The following DPYSL5 variants were observed in gnomAD, a reference collection of about 807,000 sequenced individuals.
DPYSL5 encodes dihydropyrimidinase-related protein 5.
A neutral mutation model predicts 58.4 loss-of-function variants in DPYSL5; 9 were observed. That is an observed-to-expected ratio of 0.15 (90% CI 0.09 to 0.27). The LOEUF (loss-of-function observed/expected upper bound fraction) is 0.27. Among genes scored for constraint, DPYSL5 ranks in the 10% least tolerant of loss-of-function variants. DPYSL5 has a pLI of 1.00. For synonymous variants in DPYSL5, 293 were observed against 301.9 expected (o/e 0.97, Z 0.31); for missense variants, 499 against 770.6 (o/e 0.65, Z 4.17).
intron 2 of DPYSL5, among the ~76,000 whole-genome samples, chr2:26,901,728 G>T (rs1664161506): frequency 6.6e-6 from 1 of 152,164 alleles, no homozygotes; most frequent in Admixed American, 6.5e-5. Flanking sequence ...GTTCTTGTCA[G>T]ACAGATAGCG....
At chr2:26,891,030 C>T (rs1663867620) in intron 1 of DPYSL5, among the ~76,000 whole-genome samples, 1 of 152,184 alleles carries the variant, frequency 6.6e-6, no homozygotes, top group African/African-American at 2.4e-5. Context: ...TTAGAGGGGA[C>T]ACATACATCT....
chr2:26,861,967 C>G (rs1666028705), intron 1 of DPYSL5, among the ~76,000 whole-genome samples: 2 of 152,154 alleles, frequency 1.3e-5, no homozygotes. Flanking sequence ...GCCCACTTGG[C>G]AAGAAATTGG....
intron 1 of DPYSL5, among the ~76,000 whole-genome samples, chr2:26,857,401 G>A (rs1006426854): frequency 2.6e-5 from 4 of 152,142 alleles, no homozygotes; most frequent in African/African-American, 9.7e-5. Context: ...TTAGCTGGGC[G>A]TGGTGGTGCA....
intron 2 of DPYSL5, among the ~76,000 whole-genome samples, chr2:26,904,274 T>C (rs1664236376): frequency 6.6e-6 from 1 of 152,334 alleles, no homozygotes; most frequent in Non-Finnish European, 1.5e-5. Flanking sequence ...GCCAACTTCC[T>C]CACCAAGGAT....
chr2:26,879,007 T>C (rs1268741804), intron 1 of DPYSL5, among the ~76,000 whole-genome samples: 1 of 152,210 alleles, frequency 6.6e-6, no homozygotes, highest in Non-Finnish European at 1.5e-5. Context: ...TTGTCTCCTA[T>C]TGAAATGTTG....
chr2:26,918,135 CAAAAAAAAAAAA>C (rs71401540), intron 2 of DPYSL5, among the ~76,000 whole-genome samples: 9 of 54,052 alleles, frequency 1.7e-4, no homozygotes, highest in Admixed American at 2.5e-4. Context: ...GAGTCTGTCT[CAAAAAAAAAAAA>C]AAAAAAAAAA....
In DPYSL5 at chr2:26,906,814, G is replaced by A. The variant is rs190257531; in HGVS notation, c.261+8054G>A. Among the ~76,000 whole-genome samples the A allele has an allele frequency of 8.2e-4, 125 of 152,282 alleles. 2 individuals are homozygous for A. Among genetic ancestry groups the A allele is most frequent in the African/African-American group, 2.7e-3 (111 of 41,548 alleles). The stretch of plus-strand genomic sequence containing the variant: ...CTGGCCCTGTCACCCAGGCTGGAGC[G>A]TAGTGGCATGATCATAGCTCACTGT... On this transcript the variant is annotated intron_variant, in intron 2 of 12. Coordinates refer to ENST00000288699, the MANE Select transcript of DPYSL5 (RefSeq NM_020134.4).
At chr2:26,882,018 G>A (rs984684469) in intron 1 of DPYSL5, among the ~76,000 whole-genome samples, 1 of 146,628 alleles carries the variant, frequency 6.8e-6, no homozygotes, top group Non-Finnish European at 1.5e-5. Flanking sequence ...GTGAACGCGG[G>A]AGGCAGAGCT....
chr2:26,924,974 C>G lies in DPYSL5; in HGVS notation c.349C>G (p.Arg117Gly). The G allele has an allele frequency of 6.2e-7, 1 of 1,614,162 alleles. No homozygotes were observed. Among genetic ancestry groups the G allele is most frequent in the South Asian group, 1.1e-5 (1 of 91,076 alleles). The stretch of plus-strand genomic sequence containing the variant: ...CCTTGTGGACGCTTATGAGAAGTGC[C>G]GAGGTCTGGCCGACCCCAAGGTCTG... ...TSLVDAYEKC[R>G]GLADPKVCCD... Residue 117 changes from arginine (R) to glycine (G), a missense_variant, in exon 3 of 13, where the codon CGA becomes GGA. Around this residue, in one of 3 missense-constraint regions of DPYSL5, gnomAD observed 404 missense variants for 647.6 expected, o/e 0.62. Transcript: ENST00000288699. This position sits in a 1 kb window ranked among gnomAD's most constrained non-coding sequence, Gnocchi z 4.7.
intron 2 of DPYSL5, among the ~76,000 whole-genome samples, chr2:26,913,350 G>T (rs900881701): frequency 6.6e-6 from 1 of 152,110 alleles, no homozygotes; most frequent in Non-Finnish European, 1.5e-5. Context: ...CATATCAATG[G>T]AATCATTCTG....
intron 1 of DPYSL5, among the ~76,000 whole-genome samples, chr2:26,855,693 C>T (rs1434430457): frequency 6.6e-6 from 1 of 152,140 alleles, no homozygotes; most frequent in East Asian, 1.9e-4. Flanking sequence ...TTCTAAGCTG[C>T]CCCTTTGTTG....
intron 1 of DPYSL5, among the ~76,000 whole-genome samples, chr2:26,879,238 G>T (rs993428345): frequency 6.6e-6 from 1 of 152,196 alleles, no homozygotes; most frequent in African/African-American, 2.4e-5. Context: ...TGGGTTTGGA[G>T]AAAGAGGACA....
intron 1 of DPYSL5, among the ~76,000 whole-genome samples, chr2:26,861,901 C>A (rs1329391237): frequency 6.6e-6 from 1 of 152,156 alleles, no homozygotes; most frequent in Non-Finnish European, 1.5e-5. Context: ...ATCTTGCTAG[C>A]AAACTCCTTT....
intron 1 of DPYSL5, among the ~76,000 whole-genome samples, chr2:26,852,220 G>A (rs78179282): frequency 0.014 from 2,088 of 152,322 alleles, 47 homozygotes; most frequent in African/African-American, 0.047. Context: ...AAAACTTGGT[G>A]TAATATGGGA....
At chr2:26,894,446 C>G (rs1438413893) in intron 1 of DPYSL5, among the ~76,000 whole-genome samples, 2 of 152,198 alleles carry the variant, frequency 1.3e-5, no homozygotes, top group Non-Finnish European at 2.9e-5. Context: ...CTCTGTATCT[C>G]TTTCCTCTTT....
Position 26,849,346 on chromosome 2 carries a change from G to A in DPYSL5, c.-5+1092G>A, listed in dbSNP as rs1439566240. Among the ~76,000 whole-genome samples, 3 of 151,948 alleles carry A rather than the reference G, an allele frequency of 2.0e-5. No homozygotes were observed. Among genetic ancestry groups the A allele is most frequent in the Non-Finnish European group, 4.4e-5 (3 of 67,952 alleles). ...CTCCTGGGAAGGGGAGCCTCCCGAG[G>A]AGGGAGGGGCAAGCAGCTGAGAGGC... On this transcript the variant is annotated intron_variant, in intron 1 of 12. Transcript: ENST00000288699. The surrounding 1 kb of genome is among the most constrained non-coding windows in gnomAD (Gnocchi z 6.2).
chr2:26,924,856 G>T lies in DPYSL5; in HGVS notation c.262-31G>T. Reference sequence around the variant, plus strand: ...CATTGACTCGGGGGCAGGCAGGGCTGTGACGAGACTGCCTTTTCCCGTCTT... The same window carrying T: ...CATTGACTCGGGGGCAGGCAGGGCTTTGACGAGACTGCCTTTTCCCGTCTT... On this transcript the variant is annotated intron_variant, in intron 2 of 12. Transcript: ENST00000288699. The surrounding 1 kb of genome is among the most constrained non-coding windows in gnomAD (Gnocchi z 4.7). The T allele has an allele frequency of 6.2e-7, 1 of 1,605,740 alleles. No individual in the cohort carries two copies.
intron 2 of DPYSL5, among the ~76,000 whole-genome samples, chr2:26,920,055 A>G (rs2148154024): frequency 6.6e-6 from 1 of 152,346 alleles, no homozygotes; most frequent in Non-Finnish European, 1.5e-5. Flanking sequence ...ATAAATTTTT[A>G]AATGTTATGT....
At chr2:26,941,425 C>T (rs570564495) in intron 9 of DPYSL5, among the ~76,000 whole-genome samples, 3 of 152,138 alleles carry the variant, frequency 2.0e-5, no homozygotes, top group Non-Finnish European at 4.4e-5. Flanking sequence ...TATTTTTGGT[C>T]TTGATCTATC....
Sources: allele counts gnomAD v4.1 joint callset (sites outside exome capture counted in the v4.1 genomes callset), GRCh38; gene constraint gnomAD v4.1.1; regional missense constraint gnomAD v4.1.1; non-coding constraint Gnocchi (gnomAD v3.1); transcripts MANE v1.5; gene names NCBI Gene and HGNC (gene_info 2026-07-23, HGNC 2026-07-21).